GRK7: variants seen among roughly 807,000 people sequenced by gnomAD.
The protein encoded by GRK7 is G protein-coupled receptor kinase 7.
In GRK7, 24 loss-of-function variants were observed where a neutral mutation model predicts 34.1. The observed-to-expected ratio is 0.70, with a 90% CI of 0.51 to 0.99. The LOEUF (loss-of-function observed/expected upper bound fraction) is 0.99. GRK7 is among the 50% of genes least tolerant of loss of function. GRK7 has a pLI of 0.00. For missense variants in GRK7, 644 were observed against 707.3 expected, an observed-to-expected ratio of 0.91 and a Z score of 1.02; for synonymous variants, 256 against 279.4, an observed-to-expected ratio of 0.92 and a Z score of 0.84.
the GRK7 span, among the ~76,000 whole-genome samples, chr3:141,756,165 A>T: frequency 6.6e-6 from 1 of 152,126 alleles, no homozygotes; most frequent in African/African-American, 2.4e-5. Flanking sequence ...TACAAAAATT[A>T]GCCAGGTGTG....
chr3:141,772,358 G>A (rs2084620680), intron 1 of GRK7, among the ~76,000 whole-genome samples: 1 of 152,344 alleles, frequency 6.6e-6, no homozygotes, highest in African/African-American at 2.4e-5. Flanking sequence ...CTCCCAAAGT[G>A]CTGGGATTAC....
At chr3:141,780,218 TG>T (rs1399290303) in intron 3 of GRK7, among the ~76,000 whole-genome samples, 155 bp from the exon 4 acceptor site, 2 of 152,208 alleles carry the variant, frequency 1.3e-5, no homozygotes, top group African/African-American at 2.4e-5. Flanking sequence ...AGTATCGCAC[TG>T]TAGTCCCCAC....
the GRK7 span, among the ~76,000 whole-genome samples, chr3:141,753,329 G>A: frequency 6.6e-6 from 1 of 152,228 alleles, no homozygotes. Flanking sequence ...AAACCATTTC[G>A]TGGTGTTCTA....
chr3:141,773,127 C>G (rs1577911194), intron 1 of GRK7, among the ~76,000 whole-genome samples: 1 of 100,030 alleles, frequency 1.0e-5, no homozygotes, highest in Admixed American at 1.2e-4. Flanking sequence ...CAGAGCGAGA[C>G]TTTGTCTCAA....
chr3:141,809,497 A>C (rs939952153), intron 5 of GRK7, among the ~76,000 whole-genome samples: 8 of 152,160 alleles, frequency 5.3e-5, no homozygotes, highest in Non-Finnish European at 8.8e-5. Context: ...CAGGAGTTCA[A>C]GACCAGCCTA....
chr3:141,764,702 T>C lies in GRK7; in HGVS notation c.-1251T>C, dbSNP rs2084571860. On this transcript the variant is annotated 5_prime_UTR_variant, in exon 1 of 6. Coordinates refer to ENST00000682958, the MANE Select transcript of GRK7 (RefSeq NM_139209.3). ...GTATCTCCAGCCCAGCCCTCTCCTG[T>C]GGGTTCCAGACCCATAGATCTTGTA... is the stretch of plus-strand genomic sequence containing the variant. 6.6e-6 allele frequency among the ~76,000 whole-genome samples: 1 copy of C among 152,138 alleles called. No individual in the cohort carries two copies. The highest frequency in any genetic ancestry group is 2.1e-4 in the South Asian group (1 of 4,826).
rs199949873 is a variant in GRK7 at position 141,807,930 on chromosome 3, A to T, written c.1325+11A>T. On this transcript the variant is annotated intron_variant, in intron 5 of 5. Transcript: ENST00000682958. ...ACGCTTAGGAAGCAGGTAAACTAGC[A>T]TGTAACAGAGAGGATTGCTGACACC... The T allele has an allele frequency of 4.6e-5, 72 of 1,563,816 alleles. No individual in the cohort carries two copies. Among genetic ancestry groups the T allele is most frequent in the Admixed American group, 1.3e-4 (7 of 54,126 alleles).
At position 141,807,761 on chromosome 3, in the gene GRK7, A is replaced by G. The variant is rs746616025; in HGVS notation, c.1167A>G (p.Thr389=). 10 of 1,614,182 alleles carry G rather than the reference A, an allele frequency of 6.2e-6. No individual in the cohort carries two copies. Among genetic ancestry groups the G allele is most frequent in the Non-Finnish European group, 8.5e-6 (10 of 1,179,978 alleles). Residue 389 remains threonine, a synonymous_variant, in exon 5 of 6, where the codon ACA becomes ACG. Coordinates refer to ENST00000682958, the MANE Select transcript of GRK7 (RefSeq NM_139209.3). ...CSIYEMVAGR[T]PFKDYKEKVS... is the part of the protein sequence containing the mutation. Reference sequence around the variant, plus strand: ...TTTATGAAATGGTTGCTGGACGAACACCATTCAAAGATTACAAGGAAAAGG... The same window carrying G: ...TTTATGAAATGGTTGCTGGACGAACGCCATTCAAAGATTACAAGGAAAAGG...
Position 141,817,109 on chromosome 3 carries a change from CCA to C in GRK7, c.*63_*64del. 7.6e-7 allele frequency: 1 copy of C among 1,313,664 alleles called. No individual in the cohort carries two copies. The allele number at this position is 1,313,664 out of a possible 1,614,324, so 81.4% of individuals were successfully genotyped here. A position where few individuals can be genotyped will look rare whatever the true frequency, so the allele number is the denominator to read the frequency against. ...TCGGCTGACATAATCCTCGAATGTT[CCA>C]CACGTGGAAATCTGTGGAATGAGGG... On this transcript the variant is annotated 3_prime_UTR_variant, in exon 6 of 6. Coordinates refer to ENST00000682958, the MANE Select transcript of GRK7 (RefSeq NM_139209.3).
intron 5 of GRK7, among the ~76,000 whole-genome samples, chr3:141,811,699 C>G (rs1711094034): frequency 6.6e-6 from 1 of 152,104 alleles, no homozygotes; most frequent in Non-Finnish European, 1.5e-5. Context: ...CAAACGAGAT[C>G]ACGTTGGATT....
intron 2 of GRK7, among the ~76,000 whole-genome samples, chr3:141,776,559 G>A (rs563273214): frequency 2.2e-4 from 33 of 152,296 alleles, no homozygotes; most frequent in Admixed American, 1.7e-3. Flanking sequence ...AGCGGGCACC[G>A]GTGCAGATCG....
intron 4 of GRK7, among the ~76,000 whole-genome samples, chr3:141,793,073 T>C (rs1289562867): frequency 6.6e-6 from 1 of 152,238 alleles, no homozygotes; most frequent in Non-Finnish European, 1.5e-5. Flanking sequence ...CCTTCCAGAC[T>C]TGGTCCTGTA....
chr3:141,782,594 A>G (rs1441895711), intron 4 of GRK7, among the ~76,000 whole-genome samples: 3 of 152,086 alleles, frequency 2.0e-5, no homozygotes, highest in Non-Finnish European at 4.4e-5. Context: ...GTCACTGGGA[A>G]AGAGTAGGGG....
the GRK7 span, among the ~76,000 whole-genome samples, chr3:141,751,396 T>A: frequency 6.6e-6 from 1 of 152,180 alleles, no homozygotes; most frequent in Non-Finnish European, 1.5e-5. Context: ...TCTTCTCTCT[T>A]CAGAGACTAC....
chr3:141,799,816 T>C (rs150481399), intron 4 of GRK7, among the ~76,000 whole-genome samples: 56 of 152,338 alleles, frequency 3.7e-4, no homozygotes, highest in African/African-American at 1.2e-3. Flanking sequence ...TTTCCATTAT[T>C]ATTTCCAATT....
chr3:141,764,955 G>T lies in GRK7; in HGVS notation c.-998G>T, dbSNP rs1390756590. The stretch of plus-strand genomic sequence containing the variant: ...AAGCAAACTATCTTCCCCCTCCCCT[G>T]ATTTCTCACCAGGGTTACTGCAGCA... On this transcript the variant is annotated 5_prime_UTR_variant, in exon 1 of 6. Coordinates refer to ENST00000682958, the MANE Select transcript of GRK7 (RefSeq NM_139209.3). Among the ~76,000 whole-genome samples the T allele has an allele frequency of 6.6e-6, 1 of 152,128 alleles. No homozygotes were observed. The highest frequency in any genetic ancestry group is 1.5e-5 in the Non-Finnish European group (1 of 68,026).
chr3:141,789,656 C>CAAAAAAAAAAAAAAAAAAAAA (rs60765509), intron 4 of GRK7, among the ~76,000 whole-genome samples: 22 of 119,242 alleles, frequency 1.8e-4, no homozygotes, highest in African/African-American at 6.6e-4. Flanking sequence ...GCCAAATGGG[C>CAAAAAAAAAAAAAAAAAAAAA]AAAAAAAAAA....
intron 1 of GRK7, among the ~76,000 whole-genome samples, chr3:141,773,149 A>G (rs980241484): frequency 4.3e-4 from 66 of 152,150 alleles, no homozygotes; most frequent in Non-Finnish European, 7.4e-4. Flanking sequence ...AAAAAAAAAA[A>G]AAAGTTGAAA....
chr3:141,759,064 A>G (rs62283074), upstream of GRK7, among the ~76,000 whole-genome samples: 8 of 141,514 alleles, frequency 5.7e-5, no homozygotes, highest in East Asian at 4.3e-4. Context: ...GGCTGAGACA[A>G]TGGGGTTTTC....
Sources: gnomAD v4.1 joint callset for allele counts (sites outside exome capture counted in the v4.1 genomes callset) on GRCh38, gnomAD v4.1.1 for gene constraint, MANE v1.5 for transcripts, NCBI Gene and HGNC (gene_info 2026-07-23, HGNC 2026-07-21) for gene names.